Variants in C2CD2L observed in about 807,000 individuals in gnomAD.
C2CD2L encodes C2CD2 like, also known as phospholipid transfer protein C2CD2L.
Under a neutral mutation model 69.9 loss-of-function variants are expected in C2CD2L, and 24 were observed. The ratio of observed to expected loss-of-function variants is 0.34; its 90% CI spans 0.25 to 0.48. The LOEUF is 0.48. C2CD2L is among the 20% of genes least tolerant of loss of function. The probability of loss-of-function intolerance (pLI) is 0.99; values close to 1 mark genes in which losing one functional copy is unlikely to be tolerated. For synonymous variants in C2CD2L, 367 were observed against 391.0 expected, an observed-to-expected ratio of 0.94 and a Z score of 0.72; for missense variants, 811 against 941.5, an observed-to-expected ratio of 0.86 and a Z score of 1.81.
At chr11:119,106,552 A>G (rs113600586), upstream of C2CD2L, among the ~76,000 whole-genome samples, 82 of 152,234 alleles carry the variant, frequency 5.4e-4, no homozygotes, top group African/African-American at 1.9e-3. Flanking sequence ...CTACAGCACC[A>G]TTTCTTGGGA....
rs1201104345 is a variant in C2CD2L, at chr11:119,111,536, G to C, written c.926G>C (p.Cys309Ser). The C allele has an allele frequency of 1.9e-6, 3 of 1,614,174 alleles. No homozygotes were observed. The highest frequency in any genetic ancestry group is 4.5e-5 in the East Asian group (2 of 44,888). Residue 309 changes from cysteine to serine, a missense_variant, in exon 7 of 14, where the codon TGC (cysteine) becomes TCC (serine). By Grantham distance (112) the Cys-to-Ser change is moderately radical (BLOSUM62 -1). Transcript: ENST00000648610. The stretch of plus-strand genomic sequence containing the variant: ...TTCATCACAGGCACCGAGGAACTGT[G>C]CTGTGTAGCTGAACTCGACAACCCC... ...GNELEGTEEL[C>S]CVAELDNPMQ...
upstream of C2CD2L, among the ~76,000 whole-genome samples, chr11:119,103,052 C>T (rs1002225361): frequency 6.6e-6 from 1 of 151,702 alleles, no homozygotes; most frequent in African/African-American, 2.4e-5. Flanking sequence ...CCACCACGCC[C>T]GGCTAATTTT....
At chr11:119,111,213 T>A in intron 5 of C2CD2L, 45 bp downstream of exon 5, 1 of 1,606,050 alleles carries the variant, frequency 6.2e-7, no homozygotes, top group Non-Finnish European at 8.5e-7. Context: ...ACCTTGTTCC[T>A]AGGGTGCTAT....
chr11:119,104,047 A>C (rs1374539691), upstream of C2CD2L, among the ~76,000 whole-genome samples: 1 of 152,228 alleles, frequency 6.6e-6, no homozygotes, highest in Non-Finnish European at 1.5e-5. Flanking sequence ...CAATAGGTGC[A>C]TATGGAGGGA....
chr11:119,116,955 T>C lies in C2CD2L; in HGVS notation c.*699T>C, dbSNP rs1329888257. 4 of 152,846 alleles carry C rather than the reference T, an allele frequency of 2.6e-5. No individual in the cohort carries two copies. The highest frequency in any genetic ancestry group is 5.9e-5 in the Non-Finnish European group (4 of 68,218). 9.5% of individuals were successfully genotyped at this position (152,846 alleles called of 1,614,324 possible). A position where few individuals can be genotyped will look rare whatever the true frequency, so the allele number is the denominator to read the frequency against. On this transcript the variant is annotated 3_prime_UTR_variant, in exon 14 of 14. Coordinates refer to ENST00000648610, the MANE Select transcript of C2CD2L (RefSeq NM_001290474.2). ...TGTGGGAAGGAGGGAGCCGGGAGCC[T>C]GGTGGGAAGCCTTCCCCAGAGAGAT...
chr11:119,111,997 A>G (rs1026265576), intron 7 of C2CD2L: 6 of 447,688 alleles, frequency 1.3e-5, no homozygotes, highest in Non-Finnish European at 2.0e-5. Flanking sequence ...TTAGAGCAAG[A>G]GTAGGATTTC....
In C2CD2L at chr11:119,107,935, T is replaced by A; in HGVS notation, c.194T>A (p.Val65Glu). The change falls in exon 1 of 14, where the codon GTG becomes GAG. Residue 65 changes from valine to glutamate, a missense_variant. Physicochemically the swap from Val to Glu is moderately radical, Grantham distance 121. Transcript: ENST00000648610. This position sits in a 1 kb window ranked among gnomAD's most constrained non-coding sequence, Gnocchi z 5.4. ...GCGGGTTCCCTGCGGGAGCTGGGCG[T>A]GTGGCGCTCGCTGCTGCGGCTGCGG... ...EPAGSLRELG[V>E]WRSLLRLRAT... 1 of 1,542,236 alleles carries A rather than the reference T, an allele frequency of 6.5e-7. No homozygotes were observed. Among genetic ancestry groups the A allele is most frequent in the Non-Finnish European group, 8.7e-7 (1 of 1,150,966 alleles).
chr11:119,112,663 C>T (rs748791627), intron 9 of C2CD2L, 37 bp from the exon 10 acceptor site: 20 of 1,609,050 alleles, frequency 1.2e-5, no homozygotes, highest in Admixed American at 3.4e-5. Flanking sequence ...GGGCAGTCTC[C>T]GAGGCTCTGT....
rs376197826 is a variant in C2CD2L, at chr11:119,110,812, G to C, written c.571-35G>C. On this transcript the variant is annotated intron_variant, in intron 3 of 13. Transcript: ENST00000648610. The surrounding 1 kb of genome is among the most constrained non-coding windows in gnomAD (Gnocchi z 5.7). ...AATTAGGAGTCCTTGGGTAAATGGG[G>C]CAAGTCAGCCCAGTCACTTTGTTCC... 25 of 1,610,710 alleles carry C rather than the reference G, an allele frequency of 1.6e-5. No individual in the cohort carries two copies. Among genetic ancestry groups the C allele is most frequent in the Non-Finnish European group, 2.0e-5 (24 of 1,177,554 alleles).
upstream of C2CD2L, chr11:119,106,790 T>G (rs1946600129): frequency 6.6e-6 from 1 of 152,210 alleles, no homozygotes; most frequent in Non-Finnish European, 1.5e-5. Context: ...TGGGGCTGTT[T>G]CTGGGTCCAA....
intron 10 of C2CD2L, 59 bp downstream of exon 10, chr11:119,112,933 A>G: frequency 7.0e-7 from 1 of 1,422,566 alleles, no homozygotes; most frequent in South Asian, 1.2e-5. Context: ...TGCAGACCCA[A>G]GGCAGGACAG....
Position 119,117,937 on chromosome 11 carries a change from A to C in C2CD2L, c.*1681A>C, listed in dbSNP as rs1460840236. 4 of 152,190 alleles carry C rather than the reference A, an allele frequency of 2.6e-5. No homozygotes were observed. Among genetic ancestry groups the C allele is most frequent in the African/African-American group, 9.7e-5 (4 of 41,422 alleles). 9.4% of individuals were successfully genotyped at this position (152,190 alleles called of 1,614,324 possible). A position where few individuals can be genotyped will look rare whatever the true frequency, so the allele number is the denominator to read the frequency against. ...AGGTCACTTCCAGCCTTGACATTCT[A>C]TGACTACCTATATCTCAGGGTGTTT... is the stretch of plus-strand genomic sequence containing the variant. On this transcript the variant is annotated 3_prime_UTR_variant, in exon 14 of 14. Coordinates refer to ENST00000648610, the MANE Select transcript of C2CD2L (RefSeq NM_001290474.2).
At chr11:119,111,429 T>C in intron 6 of C2CD2L, 55 bp downstream of exon 6, 1 of 1,580,942 alleles carries the variant, frequency 6.3e-7, no homozygotes, top group Non-Finnish European at 8.7e-7. Flanking sequence ...TTGCAGATGC[T>C]CTCTGCCCCT....
chr11:119,118,201 T>G lies in C2CD2L; in HGVS notation c.*1945T>G, dbSNP rs919120910. On this transcript the variant is annotated 3_prime_UTR_variant, in exon 14 of 14. Coordinates refer to ENST00000648610, the MANE Select transcript of C2CD2L (RefSeq NM_001290474.2). ...TTTAGTGTGCGCATCGCCCAAATAG[T>G]GAACATCATACCCAATAGGTAGTTT... The G allele has an allele frequency of 6.6e-6, 1 of 152,164 alleles. No homozygotes were observed. The highest frequency in any genetic ancestry group is 1.9e-4 in the East Asian group (1 of 5,204). The allele number at this position is 152,164 out of a possible 1,614,324, so 9.4% of individuals were successfully genotyped here.
chr11:119,103,691 G>C (rs1326633640), upstream of C2CD2L, among the ~76,000 whole-genome samples: 3 of 129,974 alleles, frequency 2.3e-5, no homozygotes, highest in Non-Finnish European at 5.1e-5. Context: ...AGGGGAAACT[G>C]TCTCAAAACA....
In C2CD2L at chr11:119,112,722, C is replaced by T. The variant is rs1364230825; in HGVS notation, c.1235C>T (p.Pro412Leu). Residue 412 changes from proline (P) to leucine (L), a missense_variant, in exon 10 of 14, where the codon CCC (proline) becomes CTC (leucine). Pro to Leu is a moderately conservative substitution (Grantham distance 98). Coordinates refer to ENST00000648610, the MANE Select transcript of C2CD2L (RefSeq NM_001290474.2). Reference sequence around the variant, plus strand: ...CAGCTTCACTATGAGGAGGGCTCTCCCCGGAACCTGGGTACTCCCACCTCC... The same window carrying T: ...CAGCTTCACTATGAGGAGGGCTCTCTCCGGAACCTGGGTACTCCCACCTCC... The part of the protein sequence containing the change: ...AVELHYEEGS[P>L]RNLGTPTSST... 6.2e-7 allele frequency: 1 copy of T among 1,613,828 alleles called. No homozygotes were observed. The highest frequency in any genetic ancestry group is 1.7e-5 in the Admixed American group (1 of 59,992).
chr11:119,107,837 A>G lies in C2CD2L; in HGVS notation c.96A>G (p.Gln32=), dbSNP rs749655062. 2 of 1,550,708 alleles carry G rather than the reference A, an allele frequency of 1.3e-6. No homozygotes were observed. Among genetic ancestry groups the G allele is most frequent in the Admixed American group, 3.7e-5 (2 of 53,476 alleles). ...TCACGGTGTTCGCCTGGCTGCTGCAATATGCCCGGGGCTTGTGGCTGGCGC... is the reference window on the plus strand; with the variant it reads ...TCACGGTGTTCGCCTGGCTGCTGCAGTATGCCCGGGGCTTGTGGCTGGCGC... ...SLLTVFAWLL[Q]YARGLWLARA... The change falls in exon 1 of 14, where the codon CAA becomes CAG. Residue 32 remains glutamine, a synonymous_variant. Coordinates refer to ENST00000648610, the MANE Select transcript of C2CD2L (RefSeq NM_001290474.2). This position sits in a 1 kb window ranked among gnomAD's most constrained non-coding sequence, Gnocchi z 5.4.
upstream of C2CD2L, among the ~76,000 whole-genome samples, chr11:119,106,166 G>A (rs1778904716): frequency 6.6e-6 from 1 of 152,188 alleles, no homozygotes; most frequent in Admixed American, 6.5e-5. Context: ...CACCTCCTCT[G>A]GCTCAGACAA....
Position 119,107,979 on chromosome 11 carries a change from G to T in C2CD2L, c.238G>T (p.Ala80Ser), listed in dbSNP as rs1421085241. The T allele has an allele frequency of 6.4e-7, 1 of 1,557,400 alleles. No individual in the cohort carries two copies. The highest frequency in any genetic ancestry group is 1.4e-5 in the African/African-American group (1 of 69,346). ...LRLRATRAGAAEEPGVRGLLA... is the reference protein window; with the variant it reads ...LRLRATRAGASEEPGVRGLLA... ...GCTGCGGGCGACTCGGGCTGGCGCC[G>T]CCGAGGAGCCAGGAGTCCGGGGCCT... The change falls in exon 1 of 14, where the codon GCC becomes TCC. Residue 80 changes from alanine (A) to serine (S), a missense_variant. Coordinates refer to ENST00000648610, the MANE Select transcript of C2CD2L (RefSeq NM_001290474.2). This position sits in a 1 kb window ranked among gnomAD's most constrained non-coding sequence, Gnocchi z 5.4.
Sources: gnomAD v4.1 joint callset for allele counts (sites outside exome capture counted in the v4.1 genomes callset) on GRCh38, gnomAD v4.1.1 for gene constraint, Gnocchi (gnomAD v3.1) non-coding constraint, MANE v1.5 for transcripts, NCBI Gene and HGNC (gene_info 2026-07-23, HGNC 2026-07-21) for gene names.